Variants in ANKRD28 observed in about 807,000 individuals in gnomAD.
ANKRD28 encodes serine/threonine-protein phosphatase 6 regulatory ankyrin repeat subunit A.
In ANKRD28, 44 loss-of-function variants were observed where a neutral mutation model predicts 126.5. The ratio of observed to expected loss-of-function variants is 0.35; its 90% CI spans 0.27 to 0.45. The LOEUF (loss-of-function observed/expected upper bound fraction) is 0.45, where lower values mean the gene tolerates loss of function less well. ANKRD28 is among the 20% of genes least tolerant of loss of function. The pLI is 1.00. For synonymous variants in ANKRD28, 442 were observed against 468.5 expected (o/e 0.94, Z 0.73); for missense variants, 1,110 against 1,316.6 (o/e 0.84, Z 2.43).
At chr3:15,850,756 T>C (rs1330887884) in intron 1 of ANKRD28, among the ~76,000 whole-genome samples, 1 of 152,190 alleles carries the variant, frequency 6.6e-6, no homozygotes, top group Non-Finnish European at 1.5e-5. Flanking sequence ...TCCTTTAGAA[T>C]AAATAAGTAA....
rs567905985 is a variant in ANKRD28, at chr3:15,737,148, G to C, written c.437C>G (p.Ala146Gly). Reference sequence around the variant, plus strand: ...TTCAGCACACTTTACAGCTTTATTAGCAGCAGCTATATGTAAAGGGGTTTG... The same window carrying C: ...TTCAGCACACTTTACAGCTTTATTACCAGCAGCTATATGTAAAGGGGTTTG... ...NWQTPLHIAAANKAVKCAEAL... is the reference protein window; with the variant it reads ...NWQTPLHIAAGNKAVKCAEAL... The change falls in exon 5 of 28, where the codon GCT (alanine) becomes GGT (glycine). Residue 146 changes from alanine (A) to glycine (G), a missense_variant. Ala to Gly is a moderately conservative substitution (Grantham distance 60). Coordinates refer to ENST00000683139, the MANE Select transcript of ANKRD28 (RefSeq NM_001349278.2). The C allele has an allele frequency of 2.3e-5, 37 of 1,613,958 alleles. No individual in the cohort carries two copies. The South Asian group carries it at 3.6e-4, about 16-fold the overall frequency.
At chr3:15,731,667 T>C (rs1465956875) in intron 6 of ANKRD28, among the ~76,000 whole-genome samples, 2 of 151,934 alleles carry the variant, frequency 1.3e-5, no homozygotes, top group African/African-American at 4.8e-5. Context: ...CTGGTCAACA[T>C]GGTGAAACCT....
intron 14 of ANKRD28, among the ~76,000 whole-genome samples, chr3:15,705,780 TC>T (rs2071271197): frequency 6.6e-6 from 1 of 152,158 alleles, no homozygotes; most frequent in Non-Finnish European, 1.5e-5. Context: ...GGTGGGCGGA[TC>T]ACTTAGGTCA....
chr3:15,713,817 C>T (rs1438101004), intron 9 of ANKRD28, among the ~76,000 whole-genome samples, 176 bp from the exon 10 acceptor site: 2 of 152,192 alleles, frequency 1.3e-5, no homozygotes, highest in Non-Finnish European at 2.9e-5. Flanking sequence ...AGCTTTTATA[C>T]TTAAAGCAAT....
At position 15,812,339 on chromosome 3, in the gene ANKRD28, G is replaced by A. The variant is rs890275964; in HGVS notation, c.28-17033C>T. Among the ~76,000 whole-genome samples the A allele has an allele frequency of 2.0e-5, 3 of 152,114 alleles. 1 individual carries two copies. Among genetic ancestry groups the A allele is most frequent in the Admixed American group, 1.3e-4 (2 of 15,258 alleles). ...TTGTTTTTTAAATGAATTTTCAAAT[G>A]GTGCCCTTAGGTAAATTTAGAAAGG... On this transcript the variant is annotated intron_variant, in intron 1 of 27. Coordinates refer to the ANKRD28 transcript ENST00000399451. This position sits in a 1 kb window ranked among gnomAD's most constrained non-coding sequence, Gnocchi z 4.1.
rs1470515364 is a variant in ANKRD28, at chr3:15,674,196, A to AAAAAAAAAG, written c.2965+1701_2965+1702insCTTTTTTTT. Among the ~76,000 whole-genome samples the AAAAAAAAAG allele has an allele frequency of 7.0e-3, 904 of 129,704 alleles. 25 individuals are homozygous for AAAAAAAAAG. Among genetic ancestry groups the AAAAAAAAAG allele is most frequent in the East Asian group, 0.053 (153 of 2,898 alleles). The allele number at this position is 129,704 out of a possible 152,430, so 85.1% of individuals were successfully genotyped here. On this transcript the variant is annotated intron_variant, in intron 27 of 27. Coordinates refer to ENST00000683139, the MANE Select transcript of ANKRD28 (RefSeq NM_001349278.2). ...CTTCAAAAAAAAAAAAAAAAAAAAAAAAGAAGAAGAACCGAAATTCAAGAG... is the reference window on the plus strand; with the variant it reads ...CTTCAAAAAAAAAAAAAAAAAAAAAAAAAAAAAAGAAGAAGAAGAACCGAAATTCAAGAG...
rs1011300783 is a variant in ANKRD28 at position 15,839,589 on chromosome 3, T to TA, written c.27+19787dup. Among the ~76,000 whole-genome samples, 10 of 150,122 alleles carry TA rather than the reference T, an allele frequency of 6.7e-5. No homozygotes were observed. Among genetic ancestry groups the TA allele is most frequent in the Non-Finnish European group, 1.5e-4 (10 of 67,408 alleles). On this transcript the variant is annotated intron_variant, in intron 1 of 27. Transcript: ENST00000399451. This position sits in a 1 kb window ranked among gnomAD's most constrained non-coding sequence, Gnocchi z 4.3. Reference sequence around the variant, plus strand: ...ATACATGAACCAGACAAAGACACATTAAAAAAAAAGAAAACGATAGGCCAA... The same window carrying TA: ...ATACATGAACCAGACAAAGACACATTAAAAAAAAAAGAAAACGATAGGCCAA...
At chr3:15,728,935 T>G (rs545109419) in intron 6 of ANKRD28, among the ~76,000 whole-genome samples, 49 of 152,336 alleles carry the variant, frequency 3.2e-4, no homozygotes, top group African/African-American at 1.1e-3. Context: ...ATGTTTTTAT[T>G]TCTCTCTCAA....
Position 15,815,509 on chromosome 3 carries a change from G to A in ANKRD28, c.28-20203C>T, listed in dbSNP as rs1446308567. On this transcript the variant is annotated intron_variant, in intron 1 of 27. Transcript: ENST00000399451. The surrounding 1 kb of genome is among the most constrained non-coding windows in gnomAD (Gnocchi z 4.1). ...GATGGGGTCTCATTATGTTGCCTAGGCTGGTCTCAAACTCCTGGGCTCAAG... is the reference window on the plus strand; with the variant it reads ...GATGGGGTCTCATTATGTTGCCTAGACTGGTCTCAAACTCCTGGGCTCAAG... Among the ~76,000 whole-genome samples, 1 of 152,054 alleles carries A rather than the reference G, an allele frequency of 6.6e-6. No individual in the cohort carries two copies. Among genetic ancestry groups the A allele is most frequent in the African/African-American group, 2.4e-5 (1 of 41,400 alleles).
rs531169085 is a variant in ANKRD28 at position 15,820,342 on chromosome 3, C to G, written c.28-25036G>C. Among the ~76,000 whole-genome samples the G allele has an allele frequency of 5.3e-5, 8 of 152,118 alleles. 1 individual carries two copies. The South Asian group carries it at 1.7e-3, about 32-fold the overall frequency. On this transcript the variant is annotated intron_variant, in intron 1 of 27. Transcript: ENST00000399451. ...TATACCTGACAGTCTTTCTTAAAAACAAACAACAGTGGAATCTAATAAAAT... is the reference window on the plus strand; with the variant it reads ...TATACCTGACAGTCTTTCTTAAAAAGAAACAACAGTGGAATCTAATAAAAT...
chr3:15,729,973 C>T (rs766365821), intron 6 of ANKRD28, among the ~76,000 whole-genome samples: 7 of 152,096 alleles, frequency 4.6e-5, no homozygotes, highest in Admixed American at 1.3e-4. Context: ...ACTGCAGCCT[C>T]GACCTCCTGG....
Position 15,682,619 on chromosome 3 carries a change from C to G in ANKRD28, c.2389+2607G>C, listed in dbSNP as rs369898802. On this transcript the variant is annotated intron_variant, in intron 21 of 27. Coordinates refer to ENST00000683139, the MANE Select transcript of ANKRD28 (RefSeq NM_001349278.2). ...TGAAATTGTGAACTTTTAGTATCTA[C>G]AGCCAGTGTTTTTCTAAAACTTGGC... Among the ~76,000 whole-genome samples the G allele has an allele frequency of 2.6e-5, 4 of 152,170 alleles. No homozygotes were observed. The East Asian group carries it at 7.7e-4, about 29-fold the overall frequency.
At chr3:15,791,976 G>A (rs1277064436) in intron 2 of ANKRD28, among the ~76,000 whole-genome samples, 12 of 152,048 alleles carry the variant, frequency 7.9e-5, no homozygotes. Flanking sequence ...CACACAAATG[G>A]TGAAAAGGTT....
At chr3:15,680,946 C>A (rs925946203) in intron 21 of ANKRD28, among the ~76,000 whole-genome samples, 1 of 152,214 alleles carries the variant, frequency 6.6e-6, no homozygotes, top group Non-Finnish European at 1.5e-5. Flanking sequence ...GGATTACAGG[C>A]ATAAGCCACC....
At chr3:15,787,613 T>G (rs1430616243) in intron 2 of ANKRD28, among the ~76,000 whole-genome samples, 1 of 152,148 alleles carries the variant, frequency 6.6e-6, no homozygotes, top group Non-Finnish European at 1.5e-5. Flanking sequence ...GAAAAGACCA[T>G]GTACACACAT....
rs752928851 is a variant in ANKRD28 at position 15,840,893 on chromosome 3, C to A, written c.27+18484G>T. Among the ~76,000 whole-genome samples, 5 of 152,338 alleles carry A rather than the reference C, an allele frequency of 3.3e-5. No individual in the cohort carries two copies. In the East Asian group the frequency reaches 5.8e-4, roughly 18 times the overall value. Reference sequence around the variant, plus strand: ...TGGTGGCTCACGCCTGTAATCCCAGCACTTTGGGAGGCCGAGGTGGGCGGA... The same window carrying A: ...TGGTGGCTCACGCCTGTAATCCCAGAACTTTGGGAGGCCGAGGTGGGCGGA... On this transcript the variant is annotated intron_variant, in intron 1 of 27. Transcript: ENST00000399451.
rs1364235248 is a variant in ANKRD28 at position 15,830,804 on chromosome 3, C to T, written c.27+28573G>A. Among the ~76,000 whole-genome samples, 1 of 151,984 alleles carries T rather than the reference C, an allele frequency of 6.6e-6. No homozygotes were observed. The highest frequency in any genetic ancestry group is 1.5e-5 in the Non-Finnish European group (1 of 67,988). On this transcript the variant is annotated intron_variant, in intron 1 of 27. Coordinates refer to the ANKRD28 transcript ENST00000399451. This position sits in a 1 kb window ranked among gnomAD's most constrained non-coding sequence, Gnocchi z 4.5. ...TGACAGATAGTCTAACAATATGATT[C>T]TTGGTGGGACCTTTAAGTCACGGAG...
chr3:15,672,784 G>A (rs960036452), intron 27 of ANKRD28, among the ~76,000 whole-genome samples: 2 of 151,988 alleles, frequency 1.3e-5, no homozygotes, highest in African/African-American at 4.8e-5. Context: ...CTGCATGGGG[G>A]TTATTTTTTG....
intron 2 of ANKRD28, among the ~76,000 whole-genome samples, chr3:15,772,001 T>C (rs190345836): frequency 7.2e-5 from 11 of 152,144 alleles, no homozygotes; most frequent in Admixed American, 5.9e-4. Flanking sequence ...AAAGAGGAAG[T>C]CTCCAAGAAC....
Sources: gnomAD v4.1 joint callset for allele counts (sites outside exome capture counted in the v4.1 genomes callset) on GRCh38, gnomAD v4.1.1 for gene constraint, Gnocchi (gnomAD v3.1) non-coding constraint, MANE v1.5 for transcripts, NCBI Gene and HGNC (gene_info 2026-07-23, HGNC 2026-07-21) for gene names.